The following GARIN5B variants were observed in gnomAD, a reference collection of about 807,000 sequenced individuals.
GARIN5B encodes the protein golgi associated RAB2 interactor family member 5B.
At chr19:55,361,310 G>T in the GARIN5B span, 1 of 1,540,844 alleles carries the variant, frequency 6.5e-7, no homozygotes, top group African/African-American at 1.4e-5. Context: ...AGGAGCTTGT[G>T]GAGGGCCCCA....
chr19:55,358,140 G>A, the GARIN5B span: 100 of 1,462,264 alleles, frequency 6.8e-5, no homozygotes, highest in South Asian at 1.7e-4. Flanking sequence ...GCTAACCCCC[G>A]CTACCTGGGC....
At chr19:55,362,624 C>G in the GARIN5B span, 5 of 1,547,346 alleles carry the variant, frequency 3.2e-6, no homozygotes, top group Middle Eastern at 1.7e-4. Context: ...GCGGGCTGGC[C>G]GATCAGCAAG....
chr19:55,362,523 G>T, the GARIN5B span: 1 of 1,530,720 alleles, frequency 6.5e-7, no homozygotes, highest in Admixed American at 2.0e-5. Flanking sequence ...GGAGAGGGGA[G>T]CGTCTAGAGC....
At chr19:55,355,759 G>C in the GARIN5B span, among the ~76,000 whole-genome samples, 1 of 152,190 alleles carries the variant, frequency 6.6e-6, no homozygotes, top group South Asian at 2.1e-4. Context: ...GCAGAGGCGG[G>C]AGGATTGCTT....
At chr19:55,359,164 T>G in the GARIN5B span, 1 of 1,551,226 alleles carries the variant, frequency 6.4e-7, no homozygotes, top group Non-Finnish European at 8.7e-7. Context: ...GAATTCCTGT[T>G]GGCAACACGT....
chr19:55,361,299 C>T, the GARIN5B span: 1 of 1,542,482 alleles, frequency 6.5e-7, no homozygotes, highest in Non-Finnish European at 8.8e-7. Context: ...GGACCTACCC[C>T]AGGAGCTTGT....
chr19:55,360,330 A>G, the GARIN5B span, among the ~76,000 whole-genome samples: 19 of 133,144 alleles, frequency 1.4e-4, 1 homozygote, highest in African/African-American at 4.4e-4. Context: ...CCTCAGACCC[A>G]GGAGTCCAGA....
chr19:55,355,307 C>A, the GARIN5B span: 1 of 1,550,174 alleles, frequency 6.5e-7, no homozygotes, highest in Non-Finnish European at 8.7e-7. Flanking sequence ...AGGTTAAGCC[C>A]CCGCATCCGG....
chr19:55,361,330 G>C, the GARIN5B span: 13 of 1,541,666 alleles, frequency 8.4e-6, no homozygotes, highest in South Asian at 4.8e-5. Flanking sequence ...ACCAAGGAAG[G>C]GGGAAGAGCC....
chr19:55,359,651 AG>A, the GARIN5B span: 1 of 1,551,618 alleles, frequency 6.4e-7, no homozygotes, highest in Admixed American at 2.0e-5. Context: ...AGATGTGACA[AG>A]GCCAGATGGG....
At chr19:55,363,192 G>T in the GARIN5B span, 1 of 1,014,334 alleles carries the variant, frequency 9.9e-7, no homozygotes, top group Admixed American at 3.8e-5. This position sits in a 1 kb window ranked among gnomAD's most constrained non-coding sequence, Gnocchi z 4.0. Flanking sequence ...GTTACAGAGC[G>T]TGGAGATGCC....
the GARIN5B span, chr19:55,358,357 G>A: frequency 1.3e-6 from 2 of 1,522,334 alleles, no homozygotes; most frequent in East Asian, 2.5e-5. Context: ...CCATCTTTGA[G>A]ATGAGGGTCT....
the GARIN5B span, chr19:55,362,140 A>G: frequency 2.1e-6 from 3 of 1,398,456 alleles, no homozygotes; most frequent in South Asian, 4.6e-5. Flanking sequence ...TCAGGGGTCC[A>G]GGCCCCCGGC....
the GARIN5B span, chr19:55,363,163 C>T: frequency 2.2e-5 from 28 of 1,284,084 alleles, no homozygotes; most frequent in Non-Finnish European, 2.8e-5. This position sits in a 1 kb window ranked among gnomAD's most constrained non-coding sequence, Gnocchi z 4.0. Flanking sequence ...TGGGGCTTCA[C>T]GGGTGCCTGG....
chr19:55,361,274 C>G, the GARIN5B span: 33 of 1,548,856 alleles, frequency 2.1e-5, no homozygotes, highest in African/African-American at 4.5e-4. Flanking sequence ...TCAGGGACCC[C>G]AGGGGAGGGC....
chr19:55,359,030 A>T, the GARIN5B span: 1 of 1,551,382 alleles, frequency 6.4e-7, no homozygotes, highest in South Asian at 1.2e-5. Flanking sequence ...GGTCACGGTG[A>T]AGGGCGACTC....
chr19:55,362,436 G>C, the GARIN5B span: 1 of 1,550,366 alleles, frequency 6.5e-7, no homozygotes, highest in African/African-American at 1.4e-5. Flanking sequence ...CCCGAGACCA[G>C]GCGCAGCTTC....
the GARIN5B span, among the ~76,000 whole-genome samples, chr19:55,361,905 C>T: frequency 0.022 from 2,271 of 101,366 alleles, 11 homozygotes; most frequent in African/African-American, 0.087. Flanking sequence ...TTAGCTCCTC[C>T]GTCAGACCCA....
chr19:55,360,474 C>A, the GARIN5B span, among the ~76,000 whole-genome samples: 1 of 111,558 alleles, frequency 9.0e-6, no homozygotes, highest in East Asian at 3.1e-4. Context: ...TCCCTCAGAT[C>A]TAGGAGTCCA....
Sources: gnomAD v4.1 joint callset for allele counts (sites outside exome capture counted in the v4.1 genomes callset) on GRCh38, gnomAD v4.1.1 for gene constraint, Gnocchi (gnomAD v3.1) non-coding constraint, MANE v1.5 for transcripts, NCBI Gene and HGNC (gene_info 2026-07-23, HGNC 2026-07-21) for gene names.